CCDC148: variants seen among roughly 807,000 people sequenced by gnomAD.
The protein encoded by CCDC148 is coiled-coil domain-containing protein 148.
CCDC148 carries 89 observed loss-of-function variants against 85.7 expected under a neutral mutation model. The ratio of observed to expected loss-of-function variants is 1.04; its 90% confidence interval spans 0.87 to 1.24. The LOEUF (loss-of-function observed/expected upper bound fraction) is 1.24. CCDC148 is among the 50% of genes most tolerant of loss of function. The pLI is 0.00. For synonymous variants in CCDC148, 230 were observed against 213.9 expected, an observed-to-expected ratio of 1.08 and a Z score of -0.66; for missense variants, 692 against 671.7, an observed-to-expected ratio of 1.03 and a Z score of -0.33.
intron 1 of CCDC148, among the ~76,000 whole-genome samples, chr2:158,433,628 C>A (rs954329733): frequency 8.5e-5 from 13 of 152,172 alleles, no homozygotes; most frequent in Non-Finnish European, 1.5e-4. Flanking sequence ...TGCGGCTTGT[C>A]AGACAGTGGG....
chr2:158,315,020 G>GA (rs1479207768), intron 7 of CCDC148, among the ~76,000 whole-genome samples: 1 of 151,894 alleles, frequency 6.6e-6, no homozygotes, highest in East Asian at 1.9e-4. Context: ...CTTTTTCAAA[G>GA]AAAAAAGTCC....
At chr2:158,273,958 T>G (rs903035309) in intron 9 of CCDC148, among the ~76,000 whole-genome samples, 4 of 152,136 alleles carry the variant, frequency 2.6e-5, no homozygotes, top group Admixed American at 1.3e-4. Flanking sequence ...TCTTTGCAAC[T>G]CCCTGGCCCT....
At chr2:158,182,386 G>C (rs1684947855) in intron 11 of CCDC148, among the ~76,000 whole-genome samples, 1 of 152,132 alleles carries the variant, frequency 6.6e-6, no homozygotes, top group Admixed American at 6.6e-5. Flanking sequence ...AGGGAAAATG[G>C]GGTCAACAAC....
intron 7 of CCDC148, among the ~76,000 whole-genome samples, chr2:158,316,084 T>C (rs1692269459): frequency 6.6e-6 from 1 of 152,208 alleles, no homozygotes; most frequent in Admixed American, 6.5e-5. Context: ...TAAGATAATC[T>C]ACAAGCAATC....
At chr2:158,225,633 A>T (rs1047113498) in intron 10 of CCDC148, among the ~76,000 whole-genome samples, 2 of 152,242 alleles carry the variant, frequency 1.3e-5, no homozygotes, top group African/African-American at 4.8e-5. Context: ...ATCAAACTAG[A>T]ACTCGGGATT....
At chr2:158,404,422 C>A (rs1440360517) in intron 1 of CCDC148, among the ~76,000 whole-genome samples, 1 of 152,020 alleles carries the variant, frequency 6.6e-6, no homozygotes, top group Non-Finnish European at 1.5e-5. Flanking sequence ...GGAGGAAGCG[C>A]TTGAGTGAAT....
chr2:158,210,436 T>G (rs1345927669), intron 11 of CCDC148, among the ~76,000 whole-genome samples: 1 of 152,104 alleles, frequency 6.6e-6, no homozygotes, highest in Non-Finnish European at 1.5e-5. Flanking sequence ...ATTTAGGACT[T>G]GAACTCAGCT....
intron 9 of CCDC148, among the ~76,000 whole-genome samples, chr2:158,283,463 A>G (rs1320691272): frequency 6.6e-6 from 1 of 152,260 alleles, no homozygotes; most frequent in Non-Finnish European, 1.5e-5. Context: ...AAAGTGGGCA[A>G]AGGATATGAA....
intron 11 of CCDC148, among the ~76,000 whole-genome samples, chr2:158,218,394 A>G (rs1450502122): frequency 3.3e-5 from 5 of 152,188 alleles, no homozygotes; most frequent in Non-Finnish European, 4.4e-5. Context: ...TACTCTTTTT[A>G]GTATCTTATA....
intron 1 of CCDC148, among the ~76,000 whole-genome samples, chr2:158,363,134 G>T (rs1377025282): frequency 1.3e-5 from 2 of 152,120 alleles, no homozygotes; most frequent in Non-Finnish European, 2.9e-5. Flanking sequence ...TCGAATACCT[G>T]AACAGAACAA....
At chr2:158,294,049 CTT>C (rs1691047639) in intron 9 of CCDC148, among the ~76,000 whole-genome samples, 3 of 106,690 alleles carry the variant, frequency 2.8e-5, no homozygotes, top group African/African-American at 6.3e-5. Context: ...TCCTTCCTTC[CTT>C]CCTTCCTTCC....
At chr2:158,256,540 G>A (rs1689019118) in intron 9 of CCDC148, among the ~76,000 whole-genome samples, 1 of 151,790 alleles carries the variant, frequency 6.6e-6, no homozygotes, top group Non-Finnish European at 1.5e-5. Flanking sequence ...TGGAAACAGT[G>A]TGTGATGTGG....
Position 158,282,170 on chromosome 2 carries a change from C to T in CCDC148, c.1110+27263G>A, listed in dbSNP as rs547887375. Among the ~76,000 whole-genome samples the T allele has an allele frequency of 2.6e-5, 4 of 152,092 alleles. No homozygotes were observed. The East Asian group carries it at 5.8e-4, about 22-fold the overall frequency. On this transcript the variant is annotated intron_variant, in intron 9 of 13. Coordinates refer to ENST00000283233, the MANE Select transcript of CCDC148 (RefSeq NM_138803.4). ...TCTATGACAAACCCACAGTCAATAT[C>T]ATACTGAATGGGCAAAAACTGGAAG...
chr2:158,382,738 C>T (rs745610675), intron 1 of CCDC148, among the ~76,000 whole-genome samples: 1 of 145,422 alleles, frequency 6.9e-6, no homozygotes, highest in Non-Finnish European at 1.5e-5. Context: ...GTAAAATCCA[C>T]CCTGTCTCTA....
intron 11 of CCDC148, among the ~76,000 whole-genome samples, chr2:158,214,291 C>T (rs1301934232): frequency 6.6e-6 from 1 of 151,960 alleles, no homozygotes; most frequent in Non-Finnish European, 1.5e-5. Flanking sequence ...AATTTGAAGC[C>T]CATCACAAGA....
chr2:158,315,246 C>T (rs1223397243), intron 7 of CCDC148, among the ~76,000 whole-genome samples: 1 of 152,098 alleles, frequency 6.6e-6, no homozygotes, highest in African/African-American at 2.4e-5. Flanking sequence ...GAGTATTAAG[C>T]CAGGAGAAAG....
At chr2:158,436,574 A>G (rs1188904133) in intron 1 of CCDC148, among the ~76,000 whole-genome samples, 1 of 152,234 alleles carries the variant, frequency 6.6e-6, no homozygotes, top group African/African-American at 2.4e-5. Flanking sequence ...GAACTAGTGA[A>G]GCAAGAGCAA....
At chr2:158,294,016 CCTTCCTTCCTTCCTTCCTTCCT>C (rs1691041245) in intron 9 of CCDC148, among the ~76,000 whole-genome samples, 1 of 15,850 alleles carries the variant, frequency 6.3e-5, no homozygotes, top group African/African-American at 2.7e-4. Flanking sequence ...TTCCTTCCTT[CCTTCCTTCCTTCCTTCCTTCCT>C]TCCTTCCTTC....
intron 7 of CCDC148, among the ~76,000 whole-genome samples, chr2:158,326,485 T>A (rs1469691426): frequency 6.6e-6 from 1 of 152,194 alleles, no homozygotes; most frequent in African/African-American, 2.4e-5. Context: ...GTATATTTTA[T>A]GCCAATAAAT....
Sources: allele counts gnomAD v4.1 joint callset (sites outside exome capture counted in the v4.1 genomes callset), GRCh38; gene constraint gnomAD v4.1.1; transcripts MANE v1.5; gene names NCBI Gene and HGNC (gene_info 2026-07-23, HGNC 2026-07-21).